Variants in SLC5A10 observed in about 807,000 individuals in gnomAD.
SLC5A10 encodes the protein solute carrier family 5 member 10, also known as sodium/mannose cotransporter SLC5A10.
A neutral mutation model predicts 68.9 loss-of-function variants in SLC5A10; 55 were observed. The ratio of observed to expected loss-of-function variants is 0.80; its 90% CI spans 0.64 to 1.00. The LOEUF (loss-of-function observed/expected upper bound fraction) is 1.00. Among genes scored for constraint, SLC5A10 ranks in the 50% least tolerant of loss-of-function variants. The probability of loss-of-function intolerance (pLI) is 0.00; values close to 1 mark genes in which losing one functional copy is unlikely to be tolerated. For synonymous variants in SLC5A10, 344 were observed against 344.8 expected (o/e 1.00, Z 0.02); for missense variants, 732 against 819.3 (o/e 0.89, Z 1.30).
At chr17:18,985,021 G>A (rs188120618) in intron 9 of SLC5A10, among the ~76,000 whole-genome samples, 68 of 152,346 alleles carry the variant, frequency 4.5e-4, no homozygotes, top group Admixed American at 2.2e-3. Flanking sequence ...ACAGGGCAGC[G>A]TTTCGAGAGT....
rs774009440 is a variant in SLC5A10 at position 19,019,813 on chromosome 17, GGCCA to G, written c.1515_1518del (p.Ala506SerfsTer28). 7 of 1,613,336 alleles carry G rather than the reference GGCCA, an allele frequency of 4.3e-6. No individual in the cohort carries two copies. Among genetic ancestry groups the G allele is most frequent in the Non-Finnish European group, 1.7e-6 (2 of 1,179,880 alleles). ...CCACCGTGCGGAGAGCCAGACACGC[GGCCA>G]GCCGTCCTGGGGAGCATCCACTACC... On this transcript the variant is annotated frameshift_variant, in exon 13 of 15. Transcript: ENST00000395645. LOFTEE classifies it high-confidence loss of function.
intron 9 of SLC5A10, among the ~76,000 whole-genome samples, chr17:19,008,624 G>A (rs1010810987): frequency 3.3e-5 from 5 of 150,422 alleles, no homozygotes; most frequent in African/African-American, 9.8e-5. Context: ...CTCAGCCTCC[G>A]GAGTAGCTGG....
In SLC5A10 at chr17:19,021,930, C is replaced by G. The variant is rs539058799; in HGVS notation, c.*1499C>G. The G allele has an allele frequency of 4.7e-6, 7 of 1,474,888 alleles. No homozygotes were observed. Among genetic ancestry groups the G allele is most frequent in the Non-Finnish European group, 6.3e-6 (7 of 1,113,898 alleles). 91.4% of individuals were successfully genotyped at this position (1,474,888 alleles called of 1,614,324 possible). ...CTGGACCTCAGTTCCTGTAAAAAGG[C>G]CCGTTGGCCAGATCGGCCGCCGGGC... On this transcript the variant is annotated 3_prime_UTR_variant, in exon 15 of 15. Transcript: ENST00000395645. This position sits in a 1 kb window ranked among gnomAD's most constrained non-coding sequence, Gnocchi z 4.1.
chr17:18,956,465 G>GTTTTTTTTTTT (rs750867503), intron 1 of SLC5A10, among the ~76,000 whole-genome samples: 108 of 97,958 alleles, frequency 1.1e-3, no homozygotes, highest in Middle Eastern at 0.014. Context: ...TTTTCTTTCT[G>GTTTTTTTTTTT]TTTTTTTTTT....
rs747223859 is a variant in SLC5A10 at position 18,976,954 on chromosome 17, T to C, written c.947T>C (p.Ile316Thr). The C allele has an allele frequency of 3.8e-5, 61 of 1,613,158 alleles. 1 individual carries two copies. In the Admixed American group the frequency reaches 9.8e-4, roughly 26 times the overall value. Residue 316 changes from isoleucine to threonine, a missense_variant, in exon 9 of 15, where the codon ATC becomes ACC. Physicochemically the swap from Ile to Thr is moderately conservative, Grantham distance 89. Coordinates refer to ENST00000395645, the MANE Select transcript of SLC5A10 (RefSeq NM_001042450.4). ...AAGATGCTCCCCATGGGCCTGATCA[T>C]CATGCCGGGCATGATCAGCCGCGCA... ...YLKMLPMGLI[I>T]MPGMISRALF...
At position 18,978,513 on chromosome 17, in the gene SLC5A10, G is replaced by C. The variant is rs775382476; in HGVS notation, c.982+1524G>C. 1.9e-6 allele frequency: 3 copies of C among 1,613,174 alleles called. No individual in the cohort carries two copies. In the Admixed American group the frequency reaches 5.0e-5, roughly 27 times the overall value. Reference sequence around the variant, plus strand: ...GGCAGCAGCTCGGGGAGTTCCCCTGGATGCTCAGCCAGCGCTGGGCCTTTC... The same window carrying C: ...GGCAGCAGCTCGGGGAGTTCCCCTGCATGCTCAGCCAGCGCTGGGCCTTTC... On this transcript the variant is annotated intron_variant, in intron 9 of 14. Coordinates refer to ENST00000395645, the MANE Select transcript of SLC5A10 (RefSeq NM_001042450.4).
At chr17:18,977,836 T>C (rs905300005) in intron 9 of SLC5A10, 1 of 1,610,504 alleles carries the variant, frequency 6.2e-7, no homozygotes, top group East Asian at 2.2e-5. Context: ...AGGAAGCCAC[T>C]GAGGGCCGTC....
rs753918077 is a variant in SLC5A10, at chr17:19,014,999, G to GGGGCT, written c.1091-48_1091-44dup. ...TAGAGCCCAGGCGGGAGGGGTTCCC[G>GGGGCT]GGGCTGTCTCAAGGCCGGACAGGGT... On this transcript the variant is annotated intron_variant, in intron 10 of 14. Coordinates refer to ENST00000395645, the MANE Select transcript of SLC5A10 (RefSeq NM_001042450.4). 5.1e-6 allele frequency: 8 copies of GGGGCT among 1,582,242 alleles called. No individual in the cohort carries two copies. The South Asian group carries it at 9.1e-5, about 18-fold the overall frequency.
chr17:19,017,134 C>T lies in SLC5A10; in HGVS notation c.1241+1935C>T. The stretch of plus-strand genomic sequence containing the variant: ...CCCTGCAAGCCTGGCAGTCGGCCTC[C>T]CTGAGGAGCAAGGCACAAGGCTGCG... On this transcript the variant is annotated intron_variant, in intron 11 of 14. Coordinates refer to ENST00000395645, the MANE Select transcript of SLC5A10 (RefSeq NM_001042450.4). This position sits in a 1 kb window ranked among gnomAD's most constrained non-coding sequence, Gnocchi z 5.6. 7 of 679,736 alleles carry T rather than the reference C, an allele frequency of 1.0e-5. No individual in the cohort carries two copies. Among genetic ancestry groups the T allele is most frequent in the Non-Finnish European group, 1.7e-5 (7 of 401,630 alleles). 42.1% of individuals were successfully genotyped at this position (679,736 alleles called of 1,614,324 possible).
At position 19,017,489 on chromosome 17, in the gene SLC5A10, G is replaced by A. The variant is rs935278567; in HGVS notation, c.1242-1934G>A. The A allele has an allele frequency of 6.0e-6, 7 of 1,175,312 alleles. No homozygotes were observed. In the African/African-American group the frequency reaches 7.6e-5, roughly 13 times the overall value. 72.8% of individuals were successfully genotyped at this position (1,175,312 alleles called of 1,614,324 possible). ...CCAGAGGCCTGGAGAGGAGGCCATC[G>A]CAGGGCCGGGTGCAGTACCATGCCG... On this transcript the variant is annotated intron_variant, in intron 11 of 14. Transcript: ENST00000395645. This position sits in a 1 kb window ranked among gnomAD's most constrained non-coding sequence, Gnocchi z 5.6.
intron 1 of SLC5A10, among the ~76,000 whole-genome samples, chr17:18,957,455 A>G (rs868687386): frequency 1.3e-5 from 2 of 151,678 alleles, no homozygotes; most frequent in Middle Eastern, 6.8e-3. Flanking sequence ...CATTTTAACC[A>G]TTTTATTTTA....
At chr17:18,981,936 A>G (rs750544312) in intron 9 of SLC5A10, among the ~76,000 whole-genome samples, 19 of 152,078 alleles carry the variant, frequency 1.2e-4, no homozygotes, top group Non-Finnish European at 2.4e-4. Context: ...CCTGTCACTG[A>G]GCCCAACCGA....
In SLC5A10 at chr17:19,004,084, A is replaced by AGGTCCAGCTCCTAGCTCC. The variant is rs1422300680; in HGVS notation, c.983-9323_983-9306dup. The AGGTCCAGCTCCTAGCTCC allele has an allele frequency of 1.3e-6, 2 of 1,547,268 alleles. No individual in the cohort carries two copies. The highest frequency in any genetic ancestry group is 3.8e-5 in the Admixed American group (2 of 52,504). On this transcript the variant is annotated intron_variant, in intron 9 of 14. Transcript: ENST00000395645. The surrounding 1 kb of genome is among the most constrained non-coding windows in gnomAD (Gnocchi z 5.4). Reference sequence around the variant, plus strand: ...CACTGCTGCCGGGGGTGGGTGGGCAAGGTCCAGCTCCTAGCTCCGGCCCAG... The same window carrying AGGTCCAGCTCCTAGCTCC: ...CACTGCTGCCGGGGGTGGGTGGGCAAGGTCCAGCTCCTAGCTCCGGTCCAGCTCCTAGCTCCGGCCCAG...
At chr17:18,988,253 G>A in intron 9 of SLC5A10, 2 of 1,608,384 alleles carry the variant, frequency 1.2e-6, no homozygotes, top group Non-Finnish European at 1.7e-6. Flanking sequence ...TCACCTTGAG[G>A]TGCCCCAGGT....
rs542737930 is a variant in SLC5A10, at chr17:19,005,946, T to G, written c.983-7464T>G. 2.3e-3 allele frequency among the ~76,000 whole-genome samples: 356 copies of G among 152,308 alleles called. 1 individual carries two copies. Among genetic ancestry groups the G allele is most frequent in the African/African-American group, 8.4e-3 (351 of 41,554 alleles). ...CTGCCTTGAGGGTCCTGAAGACCCA[T>G]TTATAGCCCCTCTGCTACTGTGGAT... On this transcript the variant is annotated intron_variant, in intron 9 of 14. Transcript: ENST00000395645.
rs35778801 is a variant in SLC5A10 at position 18,973,884 on chromosome 17, G to GTT, written c.846+2687_846+2688dup. 6.1e-3 allele frequency among the ~76,000 whole-genome samples: 583 copies of GTT among 95,712 alleles called. 26 individuals are homozygous for GTT. The highest frequency in any genetic ancestry group is 0.047 in the East Asian group (151 of 3,198). The allele number at this position is 95,712 out of a possible 152,430, so 62.8% of individuals were successfully genotyped here. Reference sequence around the variant, plus strand: ...GGCTAATTTTTGTATTTTTTTTTAAGTTTTTTTTTTTTTTTTTTTTTTCCC... The same window carrying GTT: ...GGCTAATTTTTGTATTTTTTTTTAAGTTTTTTTTTTTTTTTTTTTTTTTTCCC... On this transcript the variant is annotated intron_variant, in intron 8 of 14. Transcript: ENST00000395645.
chr17:18,958,934 G>C (rs1195242286), intron 2 of SLC5A10, among the ~76,000 whole-genome samples, 181 bp downstream of exon 2: 2 of 152,226 alleles, frequency 1.3e-5, no homozygotes, highest in Non-Finnish European at 2.9e-5. Flanking sequence ...GTAAGGGGCA[G>C]GGGCTATGGA....
At chr17:19,011,644 G>A (rs1024027145) in intron 9 of SLC5A10, among the ~76,000 whole-genome samples, 10 of 152,026 alleles carry the variant, frequency 6.6e-5, no homozygotes, top group Non-Finnish European at 1.3e-4. Context: ...CCAGACGGGA[G>A]GGGGAAGAAG....
intron 1 of SLC5A10, 105 bp downstream of exon 1, chr17:18,952,421 C>A: frequency 2.9e-6 from 4 of 1,384,598 alleles, no homozygotes; most frequent in Non-Finnish European, 3.9e-6. Flanking sequence ...TTGGTCCCAG[C>A]TGGTGGCCTA....
Sources: allele counts gnomAD v4.1 joint callset (sites outside exome capture counted in the v4.1 genomes callset), GRCh38; gene constraint gnomAD v4.1.1; non-coding constraint Gnocchi (gnomAD v3.1); transcripts MANE v1.5; gene names NCBI Gene and HGNC (gene_info 2026-07-23, HGNC 2026-07-21).